The following PCDHA2 variants were observed in gnomAD, a reference collection of about 807,000 sequenced individuals.
PCDHA2 encodes the protein protocadherin alpha 2.
A neutral mutation model predicts 66.0 loss-of-function variants in PCDHA2; 58 were observed. That is an observed-to-expected ratio of 0.88 (90% CI 0.71 to 1.09). The LOEUF is 1.09. Among genes scored for constraint, PCDHA2 ranks in the 50% least tolerant of loss-of-function variants. The pLI, the probability that PCDHA2 is intolerant of heterozygous loss-of-function variation, is 0.00. For synonymous variants in PCDHA2, 634 were observed against 554.0 expected (o/e 1.14, Z -2.03); for missense variants, 1,267 against 1,242.3 (o/e 1.02, Z -0.30).
In PCDHA2 at chr5:140,886,687, A is replaced by G. The variant is rs553566283; in HGVS notation, c.2388+89335A>G. On this transcript the variant is annotated intron_variant, in intron 1 of 3. Coordinates refer to ENST00000526136, the MANE Select transcript of PCDHA2 (RefSeq NM_018905.3). The stretch of plus-strand genomic sequence containing the variant: ...CTAAAAATACAAAAATTAGCGAGGC[A>G]TGGTGGCACGCGCCTGTAATCCCAG... Among the ~76,000 whole-genome samples, 418 of 152,114 alleles carry G rather than the reference A, an allele frequency of 2.7e-3. 2 individuals are homozygous for G. Among genetic ancestry groups the G allele is most frequent in the Middle Eastern group, 0.014 (4 of 294 alleles).
rs147252917 is a variant in PCDHA2 at position 140,835,512 on chromosome 5, C to T, written c.2388+38160C>T. On this transcript the variant is annotated intron_variant, in intron 1 of 3. Coordinates refer to ENST00000526136, the MANE Select transcript of PCDHA2 (RefSeq NM_018905.3). ...CATCACATTGATTAGCGTGTTTGAC[C>T]GAGATTTTGGAGTCAACGGACAGGT... 259 of 1,613,798 alleles carry T rather than the reference C, an allele frequency of 1.6e-4. 5 individuals carry two copies. Among genetic ancestry groups the T allele is most frequent in the Non-Finnish European group, 2.1e-4 (250 of 1,179,884 alleles).
intron 3 of PCDHA2, among the ~76,000 whole-genome samples, chr5:141,001,745 T>A (rs2098035193): frequency 6.6e-6 from 1 of 152,200 alleles, no homozygotes; most frequent in Non-Finnish European, 1.5e-5. Flanking sequence ...CTGGGCTGTT[T>A]CAGTGGTTGA....
chr5:140,809,038 C>T (rs370669259), intron 1 of PCDHA2: 2 of 1,613,816 alleles, frequency 1.2e-6, no homozygotes, highest in South Asian at 2.2e-5. Flanking sequence ...GGACTGGTGG[C>T]GCGCGCATCC....
intron 1 of PCDHA2, among the ~76,000 whole-genome samples, chr5:140,914,207 A>C (rs1485868934): frequency 6.6e-6 from 1 of 152,060 alleles, no homozygotes; most frequent in Admixed American, 6.6e-5. Context: ...TGTGATCTCT[A>C]TCTCTCTTTT....
intron 1 of PCDHA2, chr5:140,849,585 C>G (rs147876741): frequency 6.3e-7 from 1 of 1,598,624 alleles, no homozygotes; most frequent in African/African-American, 1.3e-5. Flanking sequence ...AGAGGACGCA[C>G]AACTGGGGAC....
intron 1 of PCDHA2, chr5:140,926,849 C>A: frequency 6.6e-7 from 1 of 1,517,430 alleles, no homozygotes. Flanking sequence ...CCTGGGTCAC[C>A]GTTGGTGTAG....
chr5:140,816,308 T>G (rs2126670497), intron 1 of PCDHA2: 4 of 152,234 alleles, frequency 2.6e-5, no homozygotes, highest in Non-Finnish European at 5.9e-5. Context: ...TCTGTAAAAT[T>G]TTCAGTTCAA....
chr5:140,972,295 G>A (rs551210883), intron 1 of PCDHA2, among the ~76,000 whole-genome samples: 2 of 151,388 alleles, frequency 1.3e-5, no homozygotes, highest in South Asian at 2.1e-4. Context: ...GTGCGCCACC[G>A]TGTCTGACTA....
rs1410749006 is a variant in PCDHA2, at chr5:140,810,474, C to CCTTATG, written c.2388+13123_2388+13124insTTATGC. On this transcript the variant is annotated intron_variant, in intron 1 of 3. Transcript: ENST00000526136. ...GTAGTGCATAAGGCTTTCTGCTGGG[C>CCTTATG]CACATCATCTCTACATTTGTCAGGT... 1.8e-4 allele frequency: 27 copies of CCTTATG among 152,302 alleles called. No homozygotes were observed. The East Asian group carries it at 4.6e-3, about 26-fold the overall frequency. The allele number at this position is 152,302 out of a possible 1,614,324, so 9.4% of individuals were successfully genotyped here.
chr5:140,822,834 C>T, intron 1 of PCDHA2: 3 of 1,614,218 alleles, frequency 1.9e-6, no homozygotes, highest in Non-Finnish European at 2.5e-6. Context: ...CCATAACCAC[C>T]CTTTTCCTGC....
chr5:140,857,463 A>G (rs782545869), intron 1 of PCDHA2: 3 of 1,598,592 alleles, frequency 1.9e-6, no homozygotes, highest in Non-Finnish European at 2.6e-6. Context: ...CCAGGCTGCC[A>G]CATCTTCACG....
chr5:140,942,713 T>C (rs2093359728), intron 1 of PCDHA2, among the ~76,000 whole-genome samples: 2 of 152,208 alleles, frequency 1.3e-5, no homozygotes, highest in Non-Finnish European at 1.5e-5. Flanking sequence ...AGTAAAAGTA[T>C]GAAATTTTGT....
At chr5:140,823,574 C>A in intron 1 of PCDHA2, 1 of 1,613,944 alleles carries the variant, frequency 6.2e-7, no homozygotes, top group South Asian at 1.1e-5. Flanking sequence ...GACCCTGATT[C>A]GGGCTACAAC....
intron 1 of PCDHA2, chr5:140,812,675 A>G (rs1355656965): frequency 6.6e-6 from 1 of 152,180 alleles, no homozygotes; most frequent in Non-Finnish European, 1.5e-5. Flanking sequence ...GTACAGAGGC[A>G]CGATCATAGC....
chr5:140,870,729 G>T (rs782392672), intron 1 of PCDHA2: 7 of 1,613,306 alleles, frequency 4.3e-6, no homozygotes, highest in Non-Finnish European at 5.1e-6. Flanking sequence ...CGGGCGTGCC[G>T]CCTCTGAGCA....
chr5:140,807,614 G>T lies in PCDHA2; in HGVS notation c.2388+10262G>T, dbSNP rs782288256. 5.0e-6 allele frequency: 8 copies of T among 1,614,174 alleles called. No individual in the cohort carries two copies. The South Asian group carries it at 8.8e-5, about 18-fold the overall frequency. The stretch of plus-strand genomic sequence containing the variant: ...AGCAACACAAAAGAACCTGTCCATC[G>T]CGGAATCCAGGCCGCTTGACTCTCG... On this transcript the variant is annotated intron_variant, in intron 1 of 3. Transcript: ENST00000526136.
rs144442302 is a variant in PCDHA2, at chr5:140,850,848, C to A, written c.2388+53496C>A. On this transcript the variant is annotated intron_variant, in intron 1 of 3. Coordinates refer to ENST00000526136, the MANE Select transcript of PCDHA2 (RefSeq NM_018905.3). ...TTCTCCTTGTGCTGGATCTACAGAG[C>A]GAACGGGAGAACCCTCTGCTTCCTC... is the stretch of plus-strand genomic sequence containing the variant. The A allele has an allele frequency of 1.4e-5, 23 of 1,596,174 alleles. 3 individuals are homozygous for A. In the Middle Eastern group the frequency reaches 5.0e-4, roughly 35 times the overall value.
chr5:140,804,903 T>C, intron 1 of PCDHA2: 1 of 817,306 alleles, frequency 1.2e-6, no homozygotes, highest in Non-Finnish European at 1.8e-6. Flanking sequence ...CTCACTTCCA[T>C]TTTCTTTATT....
chr5:140,827,820 A>G (rs2150149356), intron 1 of PCDHA2: 6 of 378,944 alleles, frequency 1.6e-5, no homozygotes, highest in Non-Finnish European at 2.8e-5. Context: ...AGGGTTTACT[A>G]TAAAAGTAGA....
Sources: gnomAD v4.1 joint callset for allele counts (sites outside exome capture counted in the v4.1 genomes callset) on GRCh38, gnomAD v4.1.1 for gene constraint, MANE v1.5 for transcripts, NCBI Gene and HGNC (gene_info 2026-07-23, HGNC 2026-07-21) for gene names.